The following SLC4A10 variants were observed in gnomAD, a reference collection of about 807,000 sequenced individuals.
SLC4A10 encodes solute carrier family 4 member 10.
SLC4A10 carries 42 observed loss-of-function variants against 137.7 expected under a neutral mutation model. That is an observed-to-expected ratio of 0.30 (90% CI 0.24 to 0.39). The LOEUF (loss-of-function observed/expected upper bound fraction) is 0.39, where lower values mean the gene tolerates loss of function less well. Ranked by LOEUF, SLC4A10 falls within the 10% of genes least tolerant of loss-of-function variation. The probability of loss-of-function intolerance (pLI) is 1.00; values close to 1 mark genes in which losing one functional copy is unlikely to be tolerated. For synonymous variants in SLC4A10, 474 were observed against 464.1 expected, an observed-to-expected ratio of 1.02 and a Z score of -0.27; for missense variants, 925 against 1,355.0, an observed-to-expected ratio of 0.68 and a Z score of 4.98.
intron 3 of SLC4A10, among the ~76,000 whole-genome samples, chr2:161,829,591 T>C (rs978358079): frequency 6.6e-6 from 1 of 152,186 alleles, no homozygotes; most frequent in Non-Finnish European, 1.5e-5. Flanking sequence ...TCCACTTTGT[T>C]TTTTATACTA....
intron 8 of SLC4A10, among the ~76,000 whole-genome samples, chr2:161,878,030 C>G (rs927768148): frequency 1.3e-5 from 2 of 152,020 alleles, no homozygotes; most frequent in African/African-American, 4.8e-5. Context: ...AATGTAGTCA[C>G]TAAGTATTAC....
At chr2:161,804,378 A>G (rs1559286261) in intron 2 of SLC4A10, 71 bp from the exon 3 acceptor site, 4 of 1,492,758 alleles carry the variant, frequency 2.7e-6, no homozygotes, top group Non-Finnish European at 3.6e-6. Flanking sequence ...GTCTCCATTA[A>G]CATGTAAATC....
intron 1 of SLC4A10, among the ~76,000 whole-genome samples, chr2:161,724,145 C>T (rs1332497908): frequency 6.6e-6 from 1 of 152,154 alleles, no homozygotes; most frequent in Non-Finnish European, 1.5e-5. Flanking sequence ...TTCACCTGGA[C>T]TATTGTAACC....
At position 161,900,843 on chromosome 2, in the gene SLC4A10, A is replaced by G; in HGVS notation, c.1342-68A>G. On this transcript the variant is annotated intron_variant, in intron 11 of 26. Coordinates refer to ENST00000446997, the MANE Select transcript of SLC4A10 (RefSeq NM_001178015.2). ...TTGCTTCAAGGAAAAATGAACTGTT[A>G]TTATTATTTACAATTAACACCTGAA... is the stretch of plus-strand genomic sequence containing the variant. The G allele has an allele frequency of 1.8e-6, 2 of 1,104,410 alleles. 1 individual carries two copies. The highest frequency in any genetic ancestry group is 3.2e-5 in the African/African-American group (2 of 62,772). The allele number at this position is 1,104,410 out of a possible 1,614,324, so 68.4% of individuals were successfully genotyped here.
At chr2:161,722,440 T>C (rs917897715) in intron 1 of SLC4A10, among the ~76,000 whole-genome samples, 19 of 152,222 alleles carry the variant, frequency 1.2e-4, no homozygotes, top group Admixed American at 1.2e-3. Context: ...GTTAGGCCTC[T>C]CTTCCACAGG....
rs537763261 is a variant in SLC4A10 at position 161,977,638 on chromosome 2, T to G, written c.3345-84T>G. 2.6e-6 allele frequency: 3 copies of G among 1,155,542 alleles called. No homozygotes were observed. The East Asian group carries it at 7.6e-5, about 29-fold the overall frequency. 71.6% of individuals were successfully genotyped at this position (1,155,542 alleles called of 1,614,324 possible). A position where few individuals can be genotyped will look rare whatever the true frequency, so the allele number is the denominator to read the frequency against. On this transcript the variant is annotated intron_variant, in intron 25 of 26. Coordinates refer to ENST00000446997, the MANE Select transcript of SLC4A10 (RefSeq NM_001178015.2). ...TGATTGAGGGAATTGGGACAGTGTT[T>G]ACTATAATTATAAAGTTCCTTTATT...
At chr2:161,760,288 T>G (rs2050122351) in intron 1 of SLC4A10, among the ~76,000 whole-genome samples, 1 of 152,040 alleles carries the variant, frequency 6.6e-6, no homozygotes. Context: ...CTTTAGATCT[T>G]TTTCCTGGTT....
At chr2:161,905,007 A>G in intron 14 of SLC4A10, 98 bp downstream of exon 14, 1 of 1,212,286 alleles carries the variant, frequency 8.2e-7, no homozygotes, top group Non-Finnish European at 1.1e-6. Context: ...GTTGATAGAG[A>G]CAGAATTGCC....
intron 11 of SLC4A10, among the ~76,000 whole-genome samples, chr2:161,898,104 A>G (rs1178983172): frequency 6.6e-6 from 1 of 152,094 alleles, no homozygotes; most frequent in Non-Finnish European, 1.5e-5. Flanking sequence ...GAGTTCTGCA[A>G]TTATCTATAT....
At chr2:161,832,748 G>GTTTTGTTTTGTT (rs1553572669) in intron 3 of SLC4A10, among the ~76,000 whole-genome samples, 5 of 151,794 alleles carry the variant, frequency 3.3e-5, no homozygotes, top group South Asian at 4.2e-4. Context: ...GTTTTGTTTT[G>GTTTTGTTTTGTT]TTTTGTTTTT....
intron 1 of SLC4A10, among the ~76,000 whole-genome samples, chr2:161,720,918 C>T (rs955944409): frequency 1.3e-5 from 2 of 151,794 alleles, no homozygotes; most frequent in Middle Eastern, 3.2e-3. Flanking sequence ...CAACCTCTGC[C>T]CCCAGGTTCA....
At chr2:161,724,896 A>G (rs530389095) in intron 1 of SLC4A10, among the ~76,000 whole-genome samples, 40 of 152,156 alleles carry the variant, frequency 2.6e-4, no homozygotes, top group Non-Finnish European at 4.0e-4. Context: ...ACCTTAGTTG[A>G]AGCACCATAT....
At chr2:161,945,592 A>G (rs1490569532) in intron 16 of SLC4A10, among the ~76,000 whole-genome samples, 1 of 151,502 alleles carries the variant, frequency 6.6e-6, no homozygotes, top group African/African-American at 2.4e-5. Context: ...CTCTGTGTGT[A>G]TGTGTGCATG....
intron 1 of SLC4A10, among the ~76,000 whole-genome samples, chr2:161,702,091 TA>T (rs2125010459): frequency 6.6e-6 from 1 of 152,050 alleles, no homozygotes; most frequent in East Asian, 1.9e-4. Context: ...ATTGAAGAGA[TA>T]TCTGCATTCC....
rs996440300 is a variant in SLC4A10 at position 161,983,999 on chromosome 2, C to T, written c.*847C>T. 1 of 152,166 alleles carries T rather than the reference C, an allele frequency of 6.6e-6. No homozygotes were observed. The highest frequency in any genetic ancestry group is 2.4e-5 in the African/African-American group (1 of 41,434). 9.4% of individuals were successfully genotyped at this position (152,166 alleles called of 1,614,324 possible). On this transcript the variant is annotated 3_prime_UTR_variant, in exon 27 of 27. Coordinates refer to ENST00000446997, the MANE Select transcript of SLC4A10 (RefSeq NM_001178015.2). ...TCAGAAATATACTAAGTTTGTCTCC[C>T]ACTGACAACAGATGTTTTCCAAATA... is the stretch of plus-strand genomic sequence containing the variant.
At chr2:161,729,498 A>G (rs916743374) in intron 1 of SLC4A10, among the ~76,000 whole-genome samples, 2 of 152,190 alleles carry the variant, frequency 1.3e-5, no homozygotes, top group Non-Finnish European at 2.9e-5. Flanking sequence ...AAACTTATAG[A>G]AATATACACA....
intron 1 of SLC4A10, among the ~76,000 whole-genome samples, chr2:161,744,443 T>C (rs937700324): frequency 2.6e-5 from 4 of 152,218 alleles, no homozygotes; most frequent in Non-Finnish European, 5.9e-5. Flanking sequence ...TTGATCAATT[T>C]GCATTTGTTG....
intron 1 of SLC4A10, among the ~76,000 whole-genome samples, chr2:161,663,460 G>A (rs1405560886): frequency 6.6e-6 from 1 of 151,958 alleles, no homozygotes; most frequent in Non-Finnish European, 1.5e-5. Context: ...ACCTTTTAAA[G>A]GCCATATGTT....
intron 3 of SLC4A10, among the ~76,000 whole-genome samples, chr2:161,830,509 A>G (rs2125736311): frequency 6.6e-6 from 1 of 151,890 alleles, no homozygotes; most frequent in South Asian, 2.1e-4. Context: ...TTACAGTTAC[A>G]GAATAAGACT....
Sources: gnomAD v4.1 joint callset for allele counts (sites outside exome capture counted in the v4.1 genomes callset) on GRCh38, gnomAD v4.1.1 for gene constraint, MANE v1.5 for transcripts, NCBI Gene and HGNC (gene_info 2026-07-23, HGNC 2026-07-21) for gene names.